Variants in GRIN2A observed in about 807,000 individuals in gnomAD.
GRIN2A encodes glutamate receptor ionotropic, NMDA 2A.
GRIN2A carries 22 observed loss-of-function variants against 113.4 expected under a neutral mutation model. The ratio of observed to expected loss-of-function variants is 0.19; its 90% CI spans 0.14 to 0.28. The LOEUF (loss-of-function observed/expected upper bound fraction) is 0.28. Ranked by LOEUF, GRIN2A falls within the 10% of genes least tolerant of loss-of-function variation. The pLI, the probability that GRIN2A is intolerant of heterozygous loss-of-function variation, is 1.00. For synonymous variants in GRIN2A, 827 were observed against 738.4 expected, an observed-to-expected ratio of 1.12 and a Z score of -1.94; for missense variants, 1,502 against 1,887.0, an observed-to-expected ratio of 0.80 and a Z score of 3.78.
chr16:9,912,119 G>C (rs1034059759), intron 3 of GRIN2A, among the ~76,000 whole-genome samples: 5 of 152,064 alleles, frequency 3.3e-5, no homozygotes, highest in African/African-American at 1.2e-4. Context: ...GGTGATGATG[G>C]TGGTGATGGT....
intron 2 of GRIN2A, among the ~76,000 whole-genome samples, chr16:10,125,856 C>T (rs2048923646): frequency 1.3e-5 from 2 of 151,980 alleles, no homozygotes; most frequent in Admixed American, 1.3e-4. Context: ...GCCAGTCTTT[C>T]CCCAAACTCA....
intron 2 of GRIN2A, among the ~76,000 whole-genome samples, chr16:10,103,056 G>A (rs1447222484): frequency 2.8e-4 from 42 of 152,192 alleles, no homozygotes; most frequent in Admixed American, 2.7e-3. Flanking sequence ...GAAGCTCAAA[G>A]ACTAGCTGGA....
At chr16:9,865,476 G>T (rs192073928) in intron 4 of GRIN2A, among the ~76,000 whole-genome samples, 1 of 152,114 alleles carries the variant, frequency 6.6e-6, no homozygotes, top group Non-Finnish European at 1.5e-5. Flanking sequence ...TAAAAGAACC[G>T]TGCATTTGGA....
intron 2 of GRIN2A, among the ~76,000 whole-genome samples, chr16:10,054,626 G>C (rs1009488510): frequency 2.6e-5 from 4 of 152,150 alleles, no homozygotes; most frequent in African/African-American, 9.7e-5. Context: ...CCATCATTCA[G>C]TTCATGGATA....
At chr16:9,921,006 G>T (rs1416011280) in intron 3 of GRIN2A, among the ~76,000 whole-genome samples, 1 of 152,084 alleles carries the variant, frequency 6.6e-6, no homozygotes, top group Non-Finnish European at 1.5e-5. Context: ...CTCCTCAGGG[G>T]TGCACGATGT....
chr16:9,917,259 A>G (rs1226483928), intron 3 of GRIN2A, among the ~76,000 whole-genome samples: 3 of 152,206 alleles, frequency 2.0e-5, no homozygotes, highest in Non-Finnish European at 2.9e-5. Context: ...ATATAGTGCA[A>G]TTATTTTATG....
chr16:9,845,106 C>T (rs1291057996), intron 5 of GRIN2A, among the ~76,000 whole-genome samples: 1 of 152,096 alleles, frequency 6.6e-6, no homozygotes, highest in African/African-American at 2.4e-5. Context: ...CTATTGCTCT[C>T]ACGAGTCAGA....
intron 2 of GRIN2A, among the ~76,000 whole-genome samples, chr16:10,096,934 C>G (rs557760840): frequency 1.5e-4 from 23 of 152,260 alleles, no homozygotes; most frequent in African/African-American, 4.8e-4. Flanking sequence ...AGACCAGATC[C>G]CTTTCCCAGG....
rs182261963 is a variant in GRIN2A at position 10,079,382 on chromosome 16, G to A, written c.414+100616C>T. 1.8e-3 allele frequency among the ~76,000 whole-genome samples: 268 copies of A among 152,328 alleles called. 1 individual carries two copies. Among genetic ancestry groups the A allele is most frequent in the African/African-American group, 6.0e-3 (250 of 41,572 alleles). On this transcript the variant is annotated intron_variant, in intron 2 of 12. Transcript: ENST00000330684. ...ACCTGAAGAATGAGATGGAGACAAT[G>A]CAGCCATGTTTCAGGCAGAGGAAAA...
intron 2 of GRIN2A, among the ~76,000 whole-genome samples, chr16:10,034,205 T>A (rs752195457): frequency 1.3e-5 from 2 of 152,018 alleles, no homozygotes; most frequent in Non-Finnish European, 2.9e-5. Context: ...TGGTCAGTGA[T>A]CAGGGAAGCT....
At chr16:9,955,977 T>C (rs2045299510) in intron 2 of GRIN2A, among the ~76,000 whole-genome samples, 2 of 152,240 alleles carry the variant, frequency 1.3e-5, no homozygotes, top group South Asian at 4.1e-4. Flanking sequence ...TGCTGGTTCC[T>C]ATCATTGGTT....
chr16:10,035,722 ATTTTT>A (rs574342443), intron 2 of GRIN2A, among the ~76,000 whole-genome samples: 5 of 140,852 alleles, frequency 3.5e-5, no homozygotes, highest in East Asian at 4.2e-4. Flanking sequence ...TGGATGATCG[ATTTTT>A]TTTTTTTTTT....
chr16:9,956,370 G>A (rs146174610), intron 2 of GRIN2A, among the ~76,000 whole-genome samples: 56 of 152,222 alleles, frequency 3.7e-4, no homozygotes, highest in Admixed American at 3.2e-3. Flanking sequence ...GGTTTATCAC[G>A]TATGAGCCGT....
chr16:9,869,355 C>T (rs151185970), intron 4 of GRIN2A, among the ~76,000 whole-genome samples: 6 of 152,242 alleles, frequency 3.9e-5, no homozygotes, highest in African/African-American at 1.2e-4. Flanking sequence ...ATCACTTTAA[C>T]CCGAGAGGAA....
At chr16:10,117,671 G>A (rs1426526231) in intron 2 of GRIN2A, among the ~76,000 whole-genome samples, 3 of 152,154 alleles carry the variant, frequency 2.0e-5, no homozygotes, top group Non-Finnish European at 4.4e-5. Context: ...TGAACCATAT[G>A]CTCCATCTCT....
At chr16:9,890,689 A>G (rs1210234717) in intron 4 of GRIN2A, among the ~76,000 whole-genome samples, 3 of 152,216 alleles carry the variant, frequency 2.0e-5, no homozygotes, top group Admixed American at 6.5e-5. Context: ...TATTAGTGTA[A>G]TGCTGCAACC....
intron 2 of GRIN2A, among the ~76,000 whole-genome samples, chr16:10,135,317 C>T: frequency 6.6e-6 from 1 of 152,302 alleles, no homozygotes; most frequent in Middle Eastern, 3.4e-3. Flanking sequence ...CATATTTCCA[C>T]CAAAAGTCTG....
At chr16:9,822,659 G>A (rs1009280216) in intron 9 of GRIN2A, among the ~76,000 whole-genome samples, 4 of 152,114 alleles carry the variant, frequency 2.6e-5, no homozygotes, top group African/African-American at 9.7e-5. Flanking sequence ...GTTTTCTTCT[G>A]TACTACTGCT....
intron 2 of GRIN2A, among the ~76,000 whole-genome samples, chr16:9,955,138 T>C (rs547501974): frequency 6.6e-6 from 1 of 152,336 alleles, no homozygotes; most frequent in South Asian, 2.1e-4. Flanking sequence ...TTACCACTAC[T>C]GCAGTGCTGA....
Sources: allele counts gnomAD v4.1 joint callset (sites outside exome capture counted in the v4.1 genomes callset), GRCh38; gene constraint gnomAD v4.1.1; transcripts MANE v1.5; gene names NCBI Gene and HGNC (gene_info 2026-07-23, HGNC 2026-07-21).